The following RERE variants were observed in gnomAD, a reference collection of about 807,000 sequenced individuals.
The protein encoded by RERE is arginine-glutamic acid dipeptide repeats protein.
A neutral mutation model predicts 146.1 loss-of-function variants in RERE; 40 were observed. That is an observed-to-expected ratio of 0.27 (90% CI 0.21 to 0.36). The LOEUF (loss-of-function observed/expected upper bound fraction) is 0.36. Among genes scored for constraint, RERE ranks in the 10% least tolerant of loss-of-function variants. The pLI is 1.00. For missense variants in RERE, 1,933 were observed against 2,138.7 expected (o/e 0.90, Z 1.90); for synonymous variants, 1,003 against 866.0 (o/e 1.16, Z -2.78).
chr1:8,649,189 G>C (rs78636481), intron 2 of RERE, among the ~76,000 whole-genome samples: 2 of 152,164 alleles, frequency 1.3e-5, no homozygotes, highest in Non-Finnish European at 2.9e-5. Flanking sequence ...ATTTGTTACC[G>C]TGACAGTCAT....
At chr1:8,749,354 T>C (rs1013364289) in intron 1 of RERE, among the ~76,000 whole-genome samples, 2 of 151,968 alleles carry the variant, frequency 1.3e-5, no homozygotes, top group East Asian at 1.9e-4. Context: ...TTGTAGATAA[T>C]GCTTTTATGG....
chr1:8,776,710 A>T (rs1250386666), intron 1 of RERE, among the ~76,000 whole-genome samples: 1 of 151,618 alleles, frequency 6.6e-6, no homozygotes, highest in Admixed American at 6.6e-5. Context: ...TTCCCCTTAA[A>T]TTCTTTTTTA....
intron 1 of RERE, chr1:8,799,483 T>C: frequency 5.0e-6 from 1 of 201,948 alleles, no homozygotes; most frequent in Non-Finnish European, 1.1e-5. Context: ...GAACAAGTGG[T>C]TCTTCCAGAA....
chr1:8,376,443 G>C (rs77014960), intron 12 of RERE, among the ~76,000 whole-genome samples: 11 of 152,290 alleles, frequency 7.2e-5, no homozygotes, highest in African/African-American at 2.6e-4. Context: ...CATGAGTGAA[G>C]ATTTAGAATT....
At chr1:8,707,186 A>G (rs1487537826) in intron 1 of RERE, among the ~76,000 whole-genome samples, 1 of 152,236 alleles carries the variant, frequency 6.6e-6, no homozygotes, top group Non-Finnish European at 1.5e-5. Context: ...ATGAGAGGAG[A>G]CAACAGATGT....
chr1:8,761,116 C>T (rs999493857), intron 1 of RERE, among the ~76,000 whole-genome samples: 12 of 152,050 alleles, frequency 7.9e-5, no homozygotes, highest in Non-Finnish European at 1.8e-4. Context: ...ACCGTCTTAC[C>T]AAAATGAGAA....
chr1:8,366,051 G>A, intron 12 of RERE, 77 bp from the exon 13 acceptor site: 1 of 1,434,474 alleles, frequency 7.0e-7, no homozygotes, highest in Non-Finnish European at 9.6e-7. Flanking sequence ...TGCCACAGTG[G>A]AAAGCTGGGT....
intron 7 of RERE, among the ~76,000 whole-genome samples, chr1:8,518,254 C>T (rs1022554790): frequency 1.3e-5 from 2 of 152,146 alleles, no homozygotes; most frequent in Non-Finnish European, 2.9e-5. Context: ...AGAGCTGACC[C>T]CCTCATTCAG....
intron 10 of RERE, among the ~76,000 whole-genome samples, chr1:8,480,012 A>G (rs1027559230): frequency 1.5e-4 from 23 of 152,338 alleles, no homozygotes; most frequent in African/African-American, 5.3e-4. Context: ...TGTTCTAACA[A>G]TGAGGTGTTC....
chr1:8,567,173 C>G (rs1646163317), intron 4 of RERE, among the ~76,000 whole-genome samples: 1 of 152,144 alleles, frequency 6.6e-6, no homozygotes, highest in African/African-American at 2.4e-5. Context: ...GACTAGGCTG[C>G]TTACTGCTTG....
At chr1:8,701,019 G>A (rs887097591) in intron 1 of RERE, among the ~76,000 whole-genome samples, 1 of 151,972 alleles carries the variant, frequency 6.6e-6, no homozygotes, top group East Asian at 1.9e-4. Flanking sequence ...CATGGGAGAG[G>A]GATTAAGAAA....
chr1:8,489,125 C>G (rs1471176581), intron 10 of RERE, among the ~76,000 whole-genome samples: 1 of 151,980 alleles, frequency 6.6e-6, no homozygotes, highest in Non-Finnish European at 1.5e-5. Context: ...GGGAAGATCA[C>G]TTGAGGCCAG....
intron 12 of RERE, among the ~76,000 whole-genome samples, chr1:8,413,141 T>C (rs2124459321): frequency 6.6e-6 from 1 of 152,286 alleles, no homozygotes; most frequent in Middle Eastern, 3.4e-3. Flanking sequence ...ATACTTCATT[T>C]TAAGCAAATA....
At chr1:8,730,257 C>CA (rs1159212929) in intron 1 of RERE, among the ~76,000 whole-genome samples, 4 of 152,334 alleles carry the variant, frequency 2.6e-5, no homozygotes, top group African/African-American at 9.6e-5. Flanking sequence ...ATGATCTAGT[C>CA]AAGAGACCCA....
rs1641190937 is a variant in RERE, at chr1:8,353,896, T to C, written c.*1191A>G. 1 of 152,596 alleles carries C rather than the reference T, an allele frequency of 6.6e-6. No homozygotes were observed. The highest frequency in any genetic ancestry group is 1.5e-5 in the Non-Finnish European group (1 of 68,036). 9.5% of individuals were successfully genotyped at this position (152,596 alleles called of 1,614,324 possible). ...TGGCCTCAATCTGTGGCAAGAAAGA[T>C]GGGGCCGTCCTCACCACAAGATCCA... On this transcript the variant is annotated 3_prime_UTR_variant, in exon 23 of 23. Transcript: ENST00000400908.
chr1:8,768,040 G>A (rs1383055542), intron 1 of RERE, among the ~76,000 whole-genome samples: 1 of 152,106 alleles, frequency 6.6e-6, no homozygotes, highest in Non-Finnish European at 1.5e-5. Flanking sequence ...GCTACGTGGT[G>A]GACAGATACA....
At chr1:8,626,357 C>T (rs1646973567) in intron 2 of RERE, among the ~76,000 whole-genome samples, 2 of 152,182 alleles carry the variant, frequency 1.3e-5, no homozygotes, top group Non-Finnish European at 2.9e-5. Flanking sequence ...ATGCCCTCTC[C>T]TTTCTGTTGC....
intron 1 of RERE, among the ~76,000 whole-genome samples, chr1:8,704,692 A>G (rs977113960): frequency 2.0e-5 from 3 of 152,226 alleles, no homozygotes; most frequent in Non-Finnish European, 2.9e-5. Flanking sequence ...CATGTTTGCT[A>G]TTTAAAGATA....
At chr1:8,469,651 TA>T (rs562005619) in intron 10 of RERE, among the ~76,000 whole-genome samples, 3 of 151,828 alleles carry the variant, frequency 2.0e-5, no homozygotes, top group African/African-American at 7.3e-5. Flanking sequence ...ATAAGAAAAA[TA>T]AAATCTTATG....
Sources: gnomAD v4.1 joint callset for allele counts (sites outside exome capture counted in the v4.1 genomes callset) on GRCh38, gnomAD v4.1.1 for gene constraint, MANE v1.5 for transcripts, NCBI Gene and HGNC (gene_info 2026-07-23, HGNC 2026-07-21) for gene names.